The following DIS3L2 variants were observed in gnomAD, a reference collection of about 807,000 sequenced individuals.
The protein encoded by DIS3L2 is DIS3-like exonuclease 2.
A neutral mutation model predicts 97.5 loss-of-function variants in DIS3L2; 34 were observed. The ratio of observed to expected loss-of-function variants is 0.35; its 90% CI spans 0.27 to 0.46. The LOEUF (loss-of-function observed/expected upper bound fraction) is 0.46. Ranked by LOEUF, DIS3L2 falls within the 20% of genes least tolerant of loss-of-function variation. The pLI is 1.00. For synonymous variants in DIS3L2, 435 were observed against 445.2 expected (o/e 0.98, Z 0.29); for missense variants, 1,038 against 1,146.0 (o/e 0.91, Z 1.36).
intron 6 of DIS3L2, among the ~76,000 whole-genome samples, chr2:232,101,148 C>T (rs746759640): frequency 6.6e-6 from 1 of 151,418 alleles, no homozygotes; most frequent in Non-Finnish European, 1.5e-5. Context: ...AGGAGAATCA[C>T]TTGAACCCGG....
chr2:232,295,659 C>G (rs1694706627), intron 13 of DIS3L2, among the ~76,000 whole-genome samples: 1 of 152,208 alleles, frequency 6.6e-6, no homozygotes, highest in African/African-American at 2.4e-5. Context: ...ATGAATCTTG[C>G]CTCTTCCCTA....
intron 5 of DIS3L2, among the ~76,000 whole-genome samples, chr2:232,066,952 T>G (rs11679473): frequency 0.011 from 1,714 of 152,248 alleles, 19 homozygotes; most frequent in Non-Finnish European, 0.016. Context: ...ACTGTCCTTT[T>G]AATGTCTGTA....
intron 5 of DIS3L2, among the ~76,000 whole-genome samples, chr2:232,069,812 GACACATAC>G (rs950424124): frequency 2.6e-5 from 4 of 152,094 alleles, no homozygotes; most frequent in African/African-American, 4.8e-5. Context: ...GCTGAGTTGA[GACACATAC>G]ACACATACAC....
At position 232,336,924 on chromosome 2, in the gene DIS3L2, TG is replaced by T. The variant is rs555818431; in HGVS notation, c.*301del. On this transcript the variant is annotated 3_prime_UTR_variant, in exon 21 of 21. Coordinates refer to ENST00000325385, the MANE Select transcript of DIS3L2 (RefSeq NM_152383.5). ...CTACTGCCCTCCTCTGCCCAGGAAA[TG>T]GGGGGGTTTCAGCAACTCAGTGTCA... 5 of 1,227,826 alleles carry T rather than the reference TG, an allele frequency of 4.1e-6. No individual in the cohort carries two copies. The highest frequency in any genetic ancestry group is 4.2e-5 in the Admixed American group (1 of 23,890). 76.1% of individuals were successfully genotyped at this position (1,227,826 alleles called of 1,614,324 possible). A position where few individuals can be genotyped will look rare whatever the true frequency, so the allele number is the denominator to read the frequency against.
At chr2:232,026,005 T>C (rs1375720489) in intron 4 of DIS3L2, among the ~76,000 whole-genome samples, 1 of 152,156 alleles carries the variant, frequency 6.6e-6, no homozygotes, top group East Asian at 1.9e-4. Context: ...ACCTCTTGTC[T>C]CTTGTGCATG....
At chr2:231,982,683 ATTT>A (rs111376702) in intron 1 of DIS3L2, among the ~76,000 whole-genome samples, 1 of 142,550 alleles carries the variant, frequency 7.0e-6, no homozygotes. Flanking sequence ...TTATTCAAGC[ATTT>A]TTTTTTTTTT....
chr2:232,296,954 A>G (rs1289194174), intron 13 of DIS3L2, among the ~76,000 whole-genome samples: 2 of 152,072 alleles, frequency 1.3e-5, no homozygotes, highest in African/African-American at 4.8e-5. Flanking sequence ...TCCCCCTGCA[A>G]TTAGATTTCC....
intron 9 of DIS3L2, among the ~76,000 whole-genome samples, chr2:232,165,557 C>T (rs997919797): frequency 7.2e-5 from 11 of 152,324 alleles, no homozygotes; most frequent in African/African-American, 2.4e-4. Flanking sequence ...CAGCATCTCA[C>T]TCTGTTGCCC....
chr2:232,329,785 T>TGCCGGGGGGGGGCC, intron 14 of DIS3L2, 28 bp from the exon 15 acceptor site: 154 of 967,086 alleles, frequency 1.6e-4, no homozygotes, highest in Non-Finnish European at 1.9e-4. Flanking sequence ...ACCCCAGCGG[T>TGCCGGGGGGGGGCC]CCCTCCCATC....
intron 11 of DIS3L2, among the ~76,000 whole-genome samples, chr2:232,242,436 A>G (rs1036402972): frequency 1.3e-5 from 2 of 152,204 alleles, no homozygotes; most frequent in African/African-American, 4.8e-5. Context: ...GTAGTGGAGA[A>G]GCCCCTATGA....
intron 1 of DIS3L2, among the ~76,000 whole-genome samples, chr2:231,985,825 G>T (rs948527614): frequency 1.3e-5 from 2 of 152,138 alleles, no homozygotes; most frequent in African/African-American, 2.4e-5. Flanking sequence ...TTGGATTGAG[G>T]CCTAGATAGC....
At chr2:232,126,715 T>A (rs1233379601) in intron 6 of DIS3L2, among the ~76,000 whole-genome samples, 1 of 152,208 alleles carries the variant, frequency 6.6e-6, no homozygotes, top group Non-Finnish European at 1.5e-5. Context: ...GGAGTTCTTT[T>A]TACTAGGAAA....
At chr2:232,067,321 G>T (rs537067814) in intron 5 of DIS3L2, among the ~76,000 whole-genome samples, 10 of 152,116 alleles carry the variant, frequency 6.6e-5, no homozygotes, top group Non-Finnish European at 1.5e-4. Context: ...TTGCACACAT[G>T]TTAGCGTGTT....
intron 1 of DIS3L2, among the ~76,000 whole-genome samples, chr2:231,971,568 C>T (rs978344905): frequency 6.6e-6 from 1 of 152,136 alleles, no homozygotes; most frequent in Non-Finnish European, 1.5e-5. Flanking sequence ...CTGCCTCAGC[C>T]TCCTGAGTAG....
At chr2:232,134,830 GA>G (rs1303657438) in intron 7 of DIS3L2, among the ~76,000 whole-genome samples, 17 of 146,452 alleles carry the variant, frequency 1.2e-4, no homozygotes, top group South Asian at 4.3e-4. Flanking sequence ...AGGTCTCCAA[GA>G]AAAAAAAAAG....
intron 9 of DIS3L2, among the ~76,000 whole-genome samples, chr2:232,206,956 C>G (rs1043649519): frequency 6.6e-6 from 1 of 152,074 alleles, no homozygotes; most frequent in African/African-American, 2.4e-5. Context: ...TGCACTGGAT[C>G]CATAGAAATG....
intron 9 of DIS3L2, among the ~76,000 whole-genome samples, chr2:232,196,178 C>T (rs1691749647): frequency 6.6e-6 from 1 of 152,046 alleles, no homozygotes. Context: ...TCATAGCTCA[C>T]TACAACCTTG....
At chr2:232,000,608 CTTTCT>C (rs1183864274) in intron 1 of DIS3L2, among the ~76,000 whole-genome samples, 64 of 143,132 alleles carry the variant, frequency 4.5e-4, no homozygotes, top group African/African-American at 1.5e-3. Context: ...TTTTCCTTTC[CTTTCT>C]TTTCCTTTCC....
chr2:232,083,078 G>C (rs528358463), intron 5 of DIS3L2, among the ~76,000 whole-genome samples: 81 of 146,348 alleles, frequency 5.5e-4, no homozygotes, highest in African/African-American at 1.9e-3. Context: ...ACCCCCCCAT[G>C]ATTCAATTAC....
Sources: allele counts gnomAD v4.1 joint callset (sites outside exome capture counted in the v4.1 genomes callset), GRCh38; gene constraint gnomAD v4.1.1; transcripts MANE v1.5; gene names NCBI Gene and HGNC (gene_info 2026-07-23, HGNC 2026-07-21).